Variants in SNTG1 observed in about 807,000 individuals in gnomAD.
The protein encoded by SNTG1 is syntrophin gamma 1.
Under a neutral mutation model 74.7 loss-of-function variants are expected in SNTG1, and 39 were observed. That is an observed-to-expected ratio of 0.52 (90% CI 0.40 to 0.68). SNTG1 has a LOEUF of 0.68. Ranked by LOEUF, SNTG1 falls within the 30% of genes least tolerant of loss-of-function variation. SNTG1 has a pLI of 0.00. For missense variants in SNTG1, 685 were observed against 609.5 expected (o/e 1.12, Z -1.30); for synonymous variants, 254 against 217.1 (o/e 1.17, Z -1.49).
At chr8:50,714,641 A>C (rs1460372869) in intron 17 of SNTG1, among the ~76,000 whole-genome samples, 4 of 152,112 alleles carry the variant, frequency 2.6e-5, no homozygotes, top group Admixed American at 6.5e-5. Context: ...TAACACTATG[A>C]ATTGAGGGAG....
At chr8:50,411,177 G>A (rs561149677) in intron 4 of SNTG1, among the ~76,000 whole-genome samples, 7 of 152,138 alleles carry the variant, frequency 4.6e-5, no homozygotes, top group South Asian at 2.1e-4. Context: ...GGCCGGGTGC[G>A]GTGGCTCACA....
intron 4 of SNTG1, among the ~76,000 whole-genome samples, chr8:50,404,108 A>T (rs999498920): frequency 3.8e-4 from 58 of 152,278 alleles, no homozygotes; most frequent in African/African-American, 1.3e-3. Flanking sequence ...TAAGGACAAT[A>T]GCCCAAGTTA....
Position 50,548,796 on chromosome 8 carries a change from T to C in SNTG1, c.681-4254T>C, listed in dbSNP as rs565321096. Among the ~76,000 whole-genome samples the C allele has an allele frequency of 2.6e-5, 4 of 152,344 alleles. No individual in the cohort carries two copies. In the East Asian group the frequency reaches 7.7e-4, roughly 29 times the overall value. On this transcript the variant is annotated intron_variant, in intron 11 of 18. Transcript: ENST00000642720. Reference sequence around the variant, plus strand: ...AATAGATGGCACCTGAGTTAACTTCTTAACATTTGAAATGGATTTTGACAG... The same window carrying C: ...AATAGATGGCACCTGAGTTAACTTCCTAACATTTGAAATGGATTTTGACAG...
chr8:49,959,629 A>G (rs901065208), intron 1 of SNTG1, among the ~76,000 whole-genome samples: 7 of 152,202 alleles, frequency 4.6e-5, no homozygotes, highest in Non-Finnish European at 1.0e-4. Context: ...TCAATACTTC[A>G]TTTAATTTTA....
chr8:50,107,350 A>G (rs907379421), intron 1 of SNTG1, among the ~76,000 whole-genome samples: 1 of 152,182 alleles, frequency 6.6e-6, no homozygotes, highest in Admixed American at 6.6e-5. Flanking sequence ...AGATAGATAG[A>G]TAAAAGAAAA....
intron 1 of SNTG1, among the ~76,000 whole-genome samples, chr8:49,973,570 T>C (rs1393189993): frequency 6.6e-6 from 1 of 151,948 alleles, no homozygotes; most frequent in Non-Finnish European, 1.5e-5. Flanking sequence ...TGAAATTTAC[T>C]GCTTCACTTT....
chr8:50,753,503 T>C (rs2131707259), intron 18 of SNTG1, among the ~76,000 whole-genome samples: 1 of 152,092 alleles, frequency 6.6e-6, no homozygotes, highest in South Asian at 2.1e-4. Context: ...ACCCCAACAC[T>C]TTTTAATGAG....
At chr8:50,789,594 T>A (rs1381569842) in intron 18 of SNTG1, among the ~76,000 whole-genome samples, 6 of 151,984 alleles carry the variant, frequency 3.9e-5, no homozygotes, top group Admixed American at 3.9e-4. Flanking sequence ...ATCTTGATCT[T>A]TACTTCCAAA....
chr8:50,167,081 A>G (rs2082641240), intron 1 of SNTG1, among the ~76,000 whole-genome samples: 1 of 128,904 alleles, frequency 7.8e-6, no homozygotes, highest in South Asian at 2.5e-4. Context: ...ATGCGATCAC[A>G]TGGACACAGG....
rs542544311 is a variant in SNTG1 at position 50,383,719 on chromosome 8, T to C, written c.-27-10493T>C. Among the ~76,000 whole-genome samples, 5 of 152,310 alleles carry C rather than the reference T, an allele frequency of 3.3e-5. No homozygotes were observed. The East Asian group carries it at 7.7e-4, about 24-fold the overall frequency. ...ATAGTCCCTGCCTGAACGGGGTTAT[T>C]GCAGTTTTCCATTGGCATGAATCAC... On this transcript the variant is annotated intron_variant, in intron 2 of 18. Coordinates refer to ENST00000642720, the MANE Select transcript of SNTG1 (RefSeq NM_018967.5).
intron 2 of SNTG1, among the ~76,000 whole-genome samples, chr8:50,331,107 T>C: frequency 6.6e-6 from 1 of 152,234 alleles, no homozygotes; most frequent in East Asian, 1.9e-4. Flanking sequence ...TAGGTATTTA[T>C]CATGTGTGTG....
chr8:50,137,979 C>T (rs2081530946), intron 1 of SNTG1, among the ~76,000 whole-genome samples: 1 of 152,160 alleles, frequency 6.6e-6, no homozygotes, highest in Non-Finnish European at 1.5e-5. Flanking sequence ...ATTCTTCAGC[C>T]TTTCCATTAA....
intron 1 of SNTG1, among the ~76,000 whole-genome samples, chr8:50,167,122 T>A (rs2082643059): frequency 1.5e-5 from 1 of 68,928 alleles, no homozygotes; most frequent in Non-Finnish European, 2.7e-5. Context: ...GGGACTGTGG[T>A]GGGGTCGGGG....
chr8:50,478,771 G>T lies in SNTG1; in HGVS notation c.364-24007G>T, dbSNP rs567318307. Among the ~76,000 whole-genome samples, 262 of 152,054 alleles carry T rather than the reference G, an allele frequency of 1.7e-3. 1 individual carries two copies. The highest frequency in any genetic ancestry group is 6.1e-3 in the African/African-American group (253 of 41,482). ...GGTCCTTGAAATGAGAAAGCAAATG[G>T]GTACATATGGTCAGATACTTTTAAG... On this transcript the variant is annotated intron_variant, in intron 8 of 18. Transcript: ENST00000642720.
chr8:49,995,668 G>T (rs950825538), intron 1 of SNTG1, among the ~76,000 whole-genome samples: 1 of 152,218 alleles, frequency 6.6e-6, no homozygotes. Context: ...TCAGGATATT[G>T]ACAGAGTAGG....
intron 15 of SNTG1, among the ~76,000 whole-genome samples, chr8:50,670,097 C>A (rs1331700260): frequency 6.6e-6 from 1 of 152,098 alleles, no homozygotes; most frequent in Admixed American, 6.6e-5. Flanking sequence ...ACTGAATGGG[C>A]AAAAACTGGA....
rs143238031 is a variant in SNTG1 at position 50,217,116 on chromosome 8, C to T, written c.-28+44481C>T. 1.5e-4 allele frequency among the ~76,000 whole-genome samples: 23 copies of T among 151,432 alleles called. No individual in the cohort carries two copies. In the East Asian group the frequency reaches 1.7e-3, roughly 11 times the overall value. On this transcript the variant is annotated intron_variant, in intron 2 of 18. Transcript: ENST00000642720. The stretch of plus-strand genomic sequence containing the variant: ...CACCAAAAGAAGTTGATTTTTAAGC[C>T]GATGATTCAACTTAGTGTAGACATA...
At chr8:49,995,475 G>T (rs1330512589) in intron 1 of SNTG1, among the ~76,000 whole-genome samples, 2 of 152,204 alleles carry the variant, frequency 1.3e-5, no homozygotes, top group Non-Finnish European at 2.9e-5. Flanking sequence ...TAAGAACCCA[G>T]TGGAGTCTGG....
rs117688580 is a variant in SNTG1 at position 50,251,940 on chromosome 8, G to A, written c.-28+79305G>A. Reference sequence around the variant, plus strand: ...TCTTAACTGCATATGGAACATTCTCGAGGGTAGATTACATATTAGGCCACA... The same window carrying A: ...TCTTAACTGCATATGGAACATTCTCAAGGGTAGATTACATATTAGGCCACA... On this transcript the variant is annotated intron_variant, in intron 2 of 18. Coordinates refer to ENST00000642720, the MANE Select transcript of SNTG1 (RefSeq NM_018967.5). Among the ~76,000 whole-genome samples, 1,089 of 152,090 alleles carry A rather than the reference G, an allele frequency of 7.2e-3. 38 individuals are homozygous for A. The highest frequency in any genetic ancestry group is 0.058 in the Admixed American group (878 of 15,260).
Sources: allele counts gnomAD v4.1 joint callset (sites outside exome capture counted in the v4.1 genomes callset), GRCh38; gene constraint gnomAD v4.1.1; transcripts MANE v1.5; gene names NCBI Gene and HGNC (gene_info 2026-07-23, HGNC 2026-07-21).